The following TAF2 variants were observed in gnomAD, a reference collection of about 807,000 sequenced individuals.
TAF2 encodes transcription initiation factor TFIID subunit 2.
In TAF2, 61 loss-of-function variants were observed where a neutral mutation model predicts 138.5. The observed-to-expected ratio is 0.44, with a 90% CI of 0.36 to 0.54. The LOEUF is 0.54. Among genes scored for constraint, TAF2 ranks in the 20% least tolerant of loss-of-function variants. TAF2 has a pLI of 0.00. For missense variants in TAF2, 1,090 were observed against 1,427.9 expected, an observed-to-expected ratio of 0.76 and a Z score of 3.81; for synonymous variants, 475 against 469.9, an observed-to-expected ratio of 1.01 and a Z score of -0.14.
rs75728772 is a variant in TAF2 at position 119,808,773 on chromosome 8, A to G, written c.300-2372T>C. On this transcript the variant is annotated intron_variant, in intron 3 of 25. Coordinates refer to ENST00000378164, the MANE Select transcript of TAF2 (RefSeq NM_003184.4). Reference sequence around the variant, plus strand: ...CTCTTGGGTAACCAGGTGTCTTGTCAATAAGCAGTACCATATTGAAAGGAC... The same window carrying G: ...CTCTTGGGTAACCAGGTGTCTTGTCGATAAGCAGTACCATATTGAAAGGAC... 9.2e-3 allele frequency among the ~76,000 whole-genome samples: 1,402 copies of G among 152,324 alleles called. 15 individuals carry two copies. Among genetic ancestry groups the G allele is most frequent in the African/African-American group, 0.033 (1,354 of 41,564 alleles).
chr8:119,772,967 A>C (rs1821957346), intron 18 of TAF2, among the ~76,000 whole-genome samples: 1 of 149,058 alleles, frequency 6.7e-6, no homozygotes, highest in Admixed American at 7.2e-5. Context: ...AATAACAATA[A>C]TAATATTACT....
intron 3 of TAF2, among the ~76,000 whole-genome samples, chr8:119,811,397 T>G (rs967831399): frequency 1.3e-5 from 2 of 152,160 alleles, no homozygotes; most frequent in African/African-American, 2.4e-5. Context: ...AAGTAAACTT[T>G]TATGGAAGTA....
At chr8:119,816,824 T>C (rs1280755697) in intron 3 of TAF2, among the ~76,000 whole-genome samples, 2 of 152,254 alleles carry the variant, frequency 1.3e-5, no homozygotes, top group Admixed American at 6.5e-5. Context: ...AGTTTTCCTC[T>C]AGGAATTGTG....
rs533636465 is a variant in TAF2 at position 119,828,686 on chromosome 8, A to C, written c.138+2991T>G. On this transcript the variant is annotated intron_variant, in intron 2 of 25. Transcript: ENST00000378164. ...AGCTAAGGGAAGCAGGGACTGTTAC[A>C]ATTTAGTTTTATACTATTTCTTTCA... Among the ~76,000 whole-genome samples the C allele has an allele frequency of 2.1e-4, 32 of 152,302 alleles. No homozygotes were observed. The South Asian group carries it at 6.6e-3, about 32-fold the overall frequency.
intron 25 of TAF2, among the ~76,000 whole-genome samples, chr8:119,733,423 G>T (rs13262434): frequency 0.27 from 40,355 of 152,042 alleles, 6,545 homozygotes; most frequent in Admixed American, 0.45. Context: ...CCATACTCTA[G>T]ACTAGGTTGT....
rs1198238309 is a variant in TAF2 at position 119,731,161 on chromosome 8, G to T, written c.*763C>A. On this transcript the variant is annotated 3_prime_UTR_variant, in exon 26 of 26. Transcript: ENST00000378164. ...ATTAAGCAAAACATATTTTACATATGAATATTTTCATTTATACTTACTGGA... is the reference window on the plus strand; with the variant it reads ...ATTAAGCAAAACATATTTTACATATTAATATTTTCATTTATACTTACTGGA... 1 of 152,084 alleles carries T rather than the reference G, an allele frequency of 6.6e-6. No individual in the cohort carries two copies. The highest frequency in any genetic ancestry group is 1.5e-5 in the Non-Finnish European group (1 of 68,012). The allele number at this position is 152,084 out of a possible 1,614,324, so 9.4% of individuals were successfully genotyped here.
At chr8:119,746,398 G>C (rs1356507768) in intron 23 of TAF2, among the ~76,000 whole-genome samples, 1 of 105,264 alleles carries the variant, frequency 9.5e-6, no homozygotes, top group East Asian at 3.1e-4. Context: ...AAAAAAAAAA[G>C]GTTATTCGTT....
rs750150682 is a variant in TAF2, at chr8:119,755,550, A to T, written c.2878+456T>A. 2.2e-4 allele frequency among the ~76,000 whole-genome samples: 34 copies of T among 152,310 alleles called. 2 individuals carry two copies. The highest frequency in any genetic ancestry group is 1.6e-3 in the Admixed American group (24 of 15,294). ...TGTGATGAGATATCATGATCTCCAC[A>T]GTATAGAACAATAATAATAAGTATT... On this transcript the variant is annotated intron_variant, in intron 22 of 25. Coordinates refer to ENST00000378164, the MANE Select transcript of TAF2 (RefSeq NM_003184.4).
intron 22 of TAF2, 96 bp from the exon 23 acceptor site, chr8:119,747,030 T>C (rs1011864227): frequency 1.6e-6 from 2 of 1,270,642 alleles, no homozygotes; most frequent in Non-Finnish European, 2.2e-6. Context: ...ACTTTATAAC[T>C]GGAAAAACCT....
At position 119,785,286 on chromosome 8, in the gene TAF2, G is replaced by A. The variant is rs773884166; in HGVS notation, c.1794-20C>T. On this transcript the variant is annotated intron_variant, in intron 14 of 25. Transcript: ENST00000378164. The stretch of plus-strand genomic sequence containing the variant: ...TTATTCCTACATTTAAGAAAAAGTA[G>A]GTTGGAAAATTGTGAGATTTCTAAT... The A allele has an allele frequency of 1.1e-5, 17 of 1,578,610 alleles. No homozygotes were observed. The highest frequency in any genetic ancestry group is 1.4e-5 in the Non-Finnish European group (16 of 1,148,928).
chr8:119,791,062 A>C (rs1823394939), intron 11 of TAF2, among the ~76,000 whole-genome samples: 1 of 152,146 alleles, frequency 6.6e-6, no homozygotes, highest in African/African-American at 2.4e-5. Context: ...CAGCCTCCCA[A>C]AGTGCTGGGA....
intron 3 of TAF2, among the ~76,000 whole-genome samples, chr8:119,813,165 T>C (rs1563917001): frequency 6.6e-6 from 1 of 152,236 alleles, no homozygotes; most frequent in Admixed American, 6.5e-5. Context: ...GTGTATGTCA[T>C]CGTGGTTTTA....
rs115419034 is a variant in TAF2, at chr8:119,748,308, G to A, written c.2879-1374C>T. Among the ~76,000 whole-genome samples, 1,382 of 151,888 alleles carry A rather than the reference G, an allele frequency of 9.1e-3. 20 individuals carry two copies. Among genetic ancestry groups the A allele is most frequent in the African/African-American group, 0.032 (1,317 of 41,392 alleles). ...TTTTCCACAACAAATATTAATATAAGTAAATAAATTATCAACTAATAGTAA... is the reference window on the plus strand; with the variant it reads ...TTTTCCACAACAAATATTAATATAAATAAATAAATTATCAACTAATAGTAA... On this transcript the variant is annotated intron_variant, in intron 22 of 25. Transcript: ENST00000378164.
At chr8:119,809,998 T>TAAAAAAAA (rs56281726) in intron 3 of TAF2, among the ~76,000 whole-genome samples, 3 of 117,670 alleles carry the variant, frequency 2.5e-5, no homozygotes, top group Non-Finnish European at 3.5e-5. Context: ...CTTCAATTTG[T>TAAAAAAAA]AAAAAAAAAA....
chr8:119,789,684 CAT>C lies in TAF2; in HGVS notation c.1474_1475del (p.Met492ValfsTer46). 6.2e-7 allele frequency: 1 copy of C among 1,613,882 alleles called. No homozygotes were observed. The highest frequency in any genetic ancestry group is 8.5e-7 in the Non-Finnish European group (1 of 1,179,942). On this transcript the variant is annotated frameshift_variant, in exon 12 of 26. Coordinates refer to ENST00000378164, the MANE Select transcript of TAF2 (RefSeq NM_003184.4). LOFTEE classifies it high-confidence loss of function. ...ATGTGGAAACCAACATCTGACTCCA[CAT>C]ATGTGACTGGAACTTCTGAGATGAA... ...TASSQKFQSHMWSQMLVSTSG... is the reference protein window; with the variant it reads ...TASSQKFQSHXWSQMLVSTSG...
At chr8:119,787,385 C>T (rs972117877) in intron 14 of TAF2, among the ~76,000 whole-genome samples, 1 of 151,192 alleles carries the variant, frequency 6.6e-6, no homozygotes, top group Non-Finnish European at 1.5e-5. Context: ...AAAACAAAAA[C>T]AAACAAACAA....
chr8:119,783,647 C>A lies in TAF2; in HGVS notation c.1860-14G>T. 6.2e-7 allele frequency: 1 copy of A among 1,609,628 alleles called. No homozygotes were observed. The highest frequency in any genetic ancestry group is 8.5e-7 in the Non-Finnish European group (1 of 1,177,646). ...GGGGAATCAGCACTGCAAGAAAATA[C>A]AATTTTCTTTTTAATTTAATTTTTA... On this transcript the variant is annotated splice_polypyrimidine_tract_variant and intron_variant, in intron 15 of 25. Coordinates refer to ENST00000378164, the MANE Select transcript of TAF2 (RefSeq NM_003184.4).
chr8:119,812,808 ACAC>A (rs1825183882), intron 3 of TAF2, among the ~76,000 whole-genome samples: 1 of 40 alleles, frequency 0.025, no homozygotes, highest in African/African-American at 0.05. Context: ...ATGTATACAT[ACAC>A]CACACATACA....
intron 19 of TAF2, among the ~76,000 whole-genome samples, chr8:119,761,425 C>T (rs1014627214): frequency 6.6e-6 from 1 of 152,060 alleles, no homozygotes; most frequent in African/African-American, 2.4e-5. Context: ...CAGAACATAT[C>T]CCTGTTGTTA....
Sources: allele counts gnomAD v4.1 joint callset (sites outside exome capture counted in the v4.1 genomes callset), GRCh38; gene constraint gnomAD v4.1.1; transcripts MANE v1.5; gene names NCBI Gene and HGNC (gene_info 2026-07-23, HGNC 2026-07-21).